Variants in LGMN observed in about 807,000 individuals in gnomAD.
The protein encoded by LGMN is asparaginyl endopeptidase.
In LGMN, 36 loss-of-function variants were observed where a neutral mutation model predicts 56.8. That is an observed-to-expected ratio of 0.63 (90% CI 0.49 to 0.84). LGMN has a LOEUF of 0.84. Among genes scored for constraint, LGMN ranks in the 40% least tolerant of loss-of-function variants. The probability of loss-of-function intolerance (pLI) is 0.00; values close to 1 mark genes in which losing one functional copy is unlikely to be tolerated. For missense variants in LGMN, 446 were observed against 556.1 expected (o/e 0.80, Z 1.99); for synonymous variants, 199 against 210.1 (o/e 0.95, Z 0.46).
At position 92,725,795 on chromosome 14, in the gene LGMN, A is replaced by T. The variant is rs188571243; in HGVS notation, c.138+6854T>A. 3.9e-3 allele frequency among the ~76,000 whole-genome samples: 595 copies of T among 151,970 alleles called. 6 individuals are homozygous for T. The highest frequency in any genetic ancestry group is 0.014 in the African/African-American group (567 of 41,476). On this transcript the variant is annotated intron_variant, in intron 2 of 13. Coordinates refer to ENST00000334869, the MANE Select transcript of LGMN (RefSeq NM_005606.7). ...TCACCATGTTGGCCAGGCTGGTCTC[A>T]AACTCCTGACCTCAGGTGATCCACC...
intron 2 of LGMN, among the ~76,000 whole-genome samples, chr14:92,724,483 T>C (rs776126046): frequency 2.0e-5 from 3 of 152,216 alleles, no homozygotes; most frequent in Non-Finnish European, 2.9e-5. Context: ...TCAAAAGAGA[T>C]ACAAGTGGGG....
At position 92,711,762 on chromosome 14, in the gene LGMN, G is replaced by A. The variant is rs764671580; in HGVS notation, c.730-14C>T. 8.1e-6 allele frequency: 13 copies of A among 1,612,952 alleles called. No individual in the cohort carries two copies. The highest frequency in any genetic ancestry group is 1.6e-4 in the Middle Eastern group (1 of 6,082). On this transcript the variant is annotated splice_polypyrimidine_tract_variant and intron_variant, in intron 9 of 13. Coordinates refer to ENST00000334869, the MANE Select transcript of LGMN (RefSeq NM_005606.7). ...AGTCAGATCTTCCTGCAAAAAGTGAGACCATTAGAGACCTTTGACAATCAG... is the reference window on the plus strand; with the variant it reads ...AGTCAGATCTTCCTGCAAAAAGTGAAACCATTAGAGACCTTTGACAATCAG...
chr14:92,713,096 T>A (rs953485884), intron 7 of LGMN, among the ~76,000 whole-genome samples: 1 of 152,198 alleles, frequency 6.6e-6, no homozygotes, highest in East Asian at 1.9e-4. Context: ...GCTGAAATAA[T>A]GCAGAGAAAA....
chr14:92,732,074 GCCT>G (rs2140261880), intron 2 of LGMN, among the ~76,000 whole-genome samples: 1 of 152,296 alleles, frequency 6.6e-6, no homozygotes, highest in East Asian at 1.9e-4. Flanking sequence ...CAGAGTCCTG[GCCT>G]CAGTCCTGTC....
chr14:92,714,467 C>G lies in LGMN; in HGVS notation c.405-16G>C. Reference sequence around the variant, plus strand: ...CTGGGGGCCACTGCCAAGAAGGAATCGGGGGTCAATCATTTCCTTTTTCTG... The same window carrying G: ...CTGGGGGCCACTGCCAAGAAGGAATGGGGGGTCAATCATTTCCTTTTTCTG... On this transcript the variant is annotated splice_polypyrimidine_tract_variant and intron_variant, in intron 5 of 13. Coordinates refer to ENST00000334869, the MANE Select transcript of LGMN (RefSeq NM_005606.7). This position sits in a 1 kb window ranked among gnomAD's most constrained non-coding sequence, Gnocchi z 5.1. 6.4e-7 allele frequency: 1 copy of G among 1,551,882 alleles called. No homozygotes were observed. The highest frequency in any genetic ancestry group is 8.9e-7 in the Non-Finnish European group (1 of 1,128,878).
At chr14:92,711,099 G>T (rs1277537192) in intron 10 of LGMN, among the ~76,000 whole-genome samples, 1 of 152,184 alleles carries the variant, frequency 6.6e-6, no homozygotes, top group African/African-American at 2.4e-5. Context: ...GCTTCACTTA[G>T]GGCCCAAGCT....
intron 1 of LGMN, among the ~76,000 whole-genome samples, chr14:92,740,743 A>G (rs951279907): frequency 2.0e-5 from 3 of 152,194 alleles, no homozygotes; most frequent in Admixed American, 6.6e-5. Flanking sequence ...GAGCCTATCA[A>G]TGGAGTATCT....
intron 2 of LGMN, among the ~76,000 whole-genome samples, chr14:92,730,031 C>G (rs1225181703): frequency 6.6e-6 from 1 of 152,164 alleles, no homozygotes; most frequent in Admixed American, 6.5e-5. Context: ...TGGATAACCT[C>G]TACTCAATAA....
At chr14:92,743,592 A>G (rs1034386459) in intron 1 of LGMN, among the ~76,000 whole-genome samples, 26 of 151,974 alleles carry the variant, frequency 1.7e-4, no homozygotes, top group Admixed American at 1.3e-4. Context: ...ACTTGAAGCC[A>G]GGAGTTCAAG....
At position 92,717,452 on chromosome 14, in the gene LGMN, A is replaced by C. The variant is rs1284352708; in HGVS notation, c.246T>G (p.Thr82=). The C allele has an allele frequency of 1.9e-6, 3 of 1,612,542 alleles. No homozygotes were observed. Among genetic ancestry groups the C allele is most frequent in the Non-Finnish European group, 2.5e-6 (3 of 1,178,726 alleles). Residue 82 remains threonine (T), a synonymous_variant, in exon 4 of 14, where the codon ACT becomes ACG. Transcript: ENST00000334869. ...DDIAYSEDNP[T]PGIVINRPNG... ...TGGGCCTGTTGATCACAATTCCTGG[A>C]GTGGGATTGCTGAAAATTAAAGGAC...
At chr14:92,728,194 CAG>C (rs1390595101) in intron 2 of LGMN, among the ~76,000 whole-genome samples, 1 of 152,166 alleles carries the variant, frequency 6.6e-6, no homozygotes, top group Non-Finnish European at 1.5e-5. Flanking sequence ...TTTCCACACA[CAG>C]GGGTGAGGGG....
chr14:92,727,674 C>T (rs889292976), intron 2 of LGMN, among the ~76,000 whole-genome samples: 1 of 152,146 alleles, frequency 6.6e-6, no homozygotes, highest in African/African-American at 2.4e-5. Context: ...TTCAAACCCA[C>T]GTCAAGCCTC....
In LGMN at chr14:92,714,355, T is replaced by TA; in HGVS notation, c.480+20dup. ...CTTTTCTGTTCTGCTAGTTTGTCCT[T>TA]AAAACGTTAAGAAAACTCACATCTT... is the stretch of plus-strand genomic sequence containing the variant. On this transcript the variant is annotated intron_variant, in intron 6 of 13. Coordinates refer to ENST00000334869, the MANE Select transcript of LGMN (RefSeq NM_005606.7). This position sits in a 1 kb window ranked among gnomAD's most constrained non-coding sequence, Gnocchi z 5.1. The TA allele has an allele frequency of 1.3e-6, 2 of 1,539,252 alleles. No homozygotes were observed. Among genetic ancestry groups the TA allele is most frequent in the Non-Finnish European group, 1.8e-6 (2 of 1,112,678 alleles).
chr14:92,717,325 A>G, intron 4 of LGMN, 55 bp downstream of exon 4: 1 of 1,088,872 alleles, frequency 9.2e-7, no homozygotes, highest in Non-Finnish European at 1.4e-6. Context: ...AGAGGGAAAA[A>G]TCATCACTAA....
chr14:92,709,616 C>A, intron 11 of LGMN, 56 bp downstream of exon 11: 1 of 1,456,920 alleles, frequency 6.9e-7, no homozygotes, highest in South Asian at 1.2e-5. Flanking sequence ...CTCATGCATG[C>A]TGCCCACCTG....
chr14:92,722,790 T>C (rs942281593), intron 2 of LGMN, among the ~76,000 whole-genome samples: 3 of 152,266 alleles, frequency 2.0e-5, no homozygotes, highest in South Asian at 4.1e-4. Flanking sequence ...AAGATTTCAA[T>C]AAACATTTCA....
chr14:92,726,254 T>A (rs1469474570), intron 2 of LGMN, among the ~76,000 whole-genome samples: 1 of 147,554 alleles, frequency 6.8e-6, no homozygotes, highest in Non-Finnish European at 1.5e-5. Context: ...AAAAAAAAAA[T>A]TAAATAAGTA....
At chr14:92,717,307 C>T (rs1890119110) in intron 4 of LGMN, 73 bp downstream of exon 4, 1 of 933,322 alleles carries the variant, frequency 1.1e-6, no homozygotes, top group South Asian at 1.8e-5. Context: ...ATTCTAGAAA[C>T]AGAAGAAAGA....
At chr14:92,739,303 C>T (rs749219266) in intron 1 of LGMN, among the ~76,000 whole-genome samples, 9 of 152,120 alleles carry the variant, frequency 5.9e-5, no homozygotes, top group Non-Finnish European at 1.2e-4. Flanking sequence ...AAAAAGTGAA[C>T]GACGCCGGCT....
Sources: gnomAD v4.1 joint callset for allele counts (sites outside exome capture counted in the v4.1 genomes callset) on GRCh38, gnomAD v4.1.1 for gene constraint, Gnocchi (gnomAD v3.1) non-coding constraint, MANE v1.5 for transcripts, NCBI Gene and HGNC (gene_info 2026-07-23, HGNC 2026-07-21) for gene names.